The following RTTN variants were observed in gnomAD, a reference collection of about 807,000 sequenced individuals.
RTTN encodes rotatin.
In RTTN, 182 loss-of-function variants were observed where a neutral mutation model predicts 269.2. That is an observed-to-expected ratio of 0.68 (90% CI 0.60 to 0.76). RTTN has a LOEUF of 0.76. Among genes scored for constraint, RTTN ranks in the 30% least tolerant of loss-of-function variants. The probability of loss-of-function intolerance (pLI) is 0.00; values close to 1 mark genes in which losing one functional copy is unlikely to be tolerated. For missense variants in RTTN, 2,545 were observed against 2,608.6 expected, an observed-to-expected ratio of 0.98 and a Z score of 0.53; for synonymous variants, 1,006 against 963.5, an observed-to-expected ratio of 1.04 and a Z score of -0.82.
rs747122127 is a variant in RTTN, at chr18:70,074,063, C to T, written c.4565-69G>A. On this transcript the variant is annotated intron_variant, in intron 33 of 48. Transcript: ENST00000640769. ...ACTGTAACAATTAATTAAAAGGGTACGCATTACAGGAAACCAATTCAAAAC... is the reference window on the plus strand; with the variant it reads ...ACTGTAACAATTAATTAAAAGGGTATGCATTACAGGAAACCAATTCAAAAC... The T allele has an allele frequency of 9.0e-5, 97 of 1,081,478 alleles. 2 individuals carry two copies. Among genetic ancestry groups the T allele is most frequent in the Non-Finnish European group, 9.6e-5 (69 of 720,222 alleles). 67.0% of individuals were successfully genotyped at this position (1,081,478 alleles called of 1,614,324 possible).
At chr18:70,044,521 G>A (rs1208089547) in intron 40 of RTTN, among the ~76,000 whole-genome samples, 2 of 152,010 alleles carry the variant, frequency 1.3e-5, no homozygotes, top group African/African-American at 4.8e-5. Flanking sequence ...ACCATGAATA[G>A]TACCCAACTC....
At chr18:70,146,830 C>T (rs1035667008) in intron 17 of RTTN, among the ~76,000 whole-genome samples, 3 of 152,204 alleles carry the variant, frequency 2.0e-5, no homozygotes, top group African/African-American at 7.2e-5. Flanking sequence ...GAATCAAACA[C>T]AAAGTAGATA....
chr18:70,118,868 T>C (rs1213985066), intron 26 of RTTN, among the ~76,000 whole-genome samples: 6 of 152,076 alleles, frequency 3.9e-5, no homozygotes, highest in Admixed American at 3.3e-4. Flanking sequence ...AGAAAAAGCA[T>C]TTGACAAAAT....
chr18:70,019,602 T>C lies in RTTN; in HGVS notation c.6153+1013A>G, dbSNP rs1360009762. Reference sequence around the variant, plus strand: ...GAGGGTAGAAAAGATCCAAGATTTGTACAGTTCGCTGAATTACGTGGTGTG... The same window carrying C: ...GAGGGTAGAAAAGATCCAAGATTTGCACAGTTCGCTGAATTACGTGGTGTG... On this transcript the variant is annotated intron_variant, in intron 45 of 48. Transcript: ENST00000640769. 5 of 152,338 alleles carry C rather than the reference T, an allele frequency of 3.3e-5. No homozygotes were observed. In the East Asian group the frequency reaches 9.6e-4, roughly 29 times the overall value. The allele number at this position is 152,338 out of a possible 1,614,324, so 9.4% of individuals were successfully genotyped here. A position where few individuals can be genotyped will look rare whatever the true frequency, so the allele number is the denominator to read the frequency against.
At chr18:70,109,942 G>A (rs945252608) in intron 27 of RTTN, among the ~76,000 whole-genome samples, 4 of 152,198 alleles carry the variant, frequency 2.6e-5, no homozygotes, top group Admixed American at 1.3e-4. Context: ...CACTGGGCCA[G>A]GGGCTGTGGC....
chr18:70,121,259 C>T (rs1235630862), intron 26 of RTTN, among the ~76,000 whole-genome samples: 4 of 152,086 alleles, frequency 2.6e-5, no homozygotes, highest in African/African-American at 9.7e-5. Context: ...TCCACCCTGT[C>T]CCCTGCCACC....
intron 2 of RTTN, 37 bp downstream of exon 2, chr18:70,205,091 T>G: frequency 6.3e-7 from 1 of 1,575,298 alleles, no homozygotes; most frequent in Non-Finnish European, 8.7e-7. Flanking sequence ...AACAAGTCAC[T>G]CGTCTGATTA....
intron 12 of RTTN, among the ~76,000 whole-genome samples, chr18:70,168,270 T>G (rs1188085715): frequency 6.6e-6 from 1 of 152,210 alleles, no homozygotes; most frequent in African/African-American, 2.4e-5. Context: ...TGTCTGTCTC[T>G]AAGACCCATT....
chr18:70,051,604 T>C, intron 38 of RTTN, 56 bp from the exon 39 acceptor site: 2 of 1,380,044 alleles, frequency 1.4e-6, no homozygotes, highest in Non-Finnish European at 2.0e-6. Flanking sequence ...AAAAGAACCT[T>C]TCAAGATATA....
Position 70,030,976 on chromosome 18 carries a change from A to G in RTTN, c.5547T>C (p.Tyr1849=), listed in dbSNP as rs763947259. 15 of 1,608,326 alleles carry G rather than the reference A, an allele frequency of 9.3e-6. 1 individual carries two copies. The South Asian group carries it at 1.5e-4, about 17-fold the overall frequency. ...EQLSDVILQC[Y]EGKSSKDILK... is the part of the protein sequence containing the mutation. Reference sequence around the variant, plus strand: ...GGATATCTTTGGAGGATTTCCCTTCATAGCACTGCAGAGAATATAAATCAA... The same window carrying G: ...GGATATCTTTGGAGGATTTCCCTTCGTAGCACTGCAGAGAATATAAATCAA... The change falls in exon 41 of 49, where the codon TAT becomes TAC. Residue 1849 remains tyrosine (Y), a synonymous_variant. Transcript: ENST00000640769.
At chr18:70,110,997 C>G (rs1033078278) in intron 27 of RTTN, among the ~76,000 whole-genome samples, 2 of 152,218 alleles carry the variant, frequency 1.3e-5, no homozygotes, top group African/African-American at 4.8e-5. Flanking sequence ...GCTGCCATGG[C>G]CAGATTGCCA....
intron 28 of RTTN, among the ~76,000 whole-genome samples, chr18:70,094,516 T>C (rs1214837337): frequency 1.3e-5 from 2 of 152,212 alleles, no homozygotes; most frequent in African/African-American, 2.4e-5. Flanking sequence ...AGAACTAATT[T>C]ATTTCTGCCT....
Position 70,145,771 on chromosome 18 carries a change from T to C in RTTN, c.2322A>G (p.Leu774=), listed in dbSNP as rs1178495085. ...GATGGAATGCTAAAAGCTTTAATGC[T>C]AGCGAACGGACCCTGAGAACACAAA... is the stretch of plus-strand genomic sequence containing the variant. ...LLVKKPSVRS[L]ALKLLAFHLT... Residue 774 remains leucine (L), a synonymous_variant, in exon 18 of 49, where the codon CTA becomes CTG. Transcript: ENST00000640769. 1 of 1,608,682 alleles carries C rather than the reference T, an allele frequency of 6.2e-7. No homozygotes were observed. Among genetic ancestry groups the C allele is most frequent in the Non-Finnish European group, 8.5e-7 (1 of 1,178,254 alleles).
At chr18:70,004,332 T>C (rs2056113933) in intron 48 of RTTN, 96 bp from the exon 49 acceptor site, 4 of 689,428 alleles carry the variant, frequency 5.8e-6, no homozygotes, top group Non-Finnish European at 9.7e-6. Flanking sequence ...ATGAACAGGA[T>C]TTATATATAA....
chr18:70,006,299 T>C (rs2056184852), intron 47 of RTTN, 82 bp downstream of exon 47: 1 of 941,438 alleles, frequency 1.1e-6, no homozygotes, highest in East Asian at 2.4e-5. Flanking sequence ...TCTTGACACC[T>C]TTGGATGTAT....
At chr18:70,105,874 G>A (rs1177900943) in intron 28 of RTTN, among the ~76,000 whole-genome samples, 1 of 151,842 alleles carries the variant, frequency 6.6e-6, no homozygotes, top group Non-Finnish European at 1.5e-5. Context: ...TTTTCAAACT[G>A]TATCTTAATT....
At chr18:70,191,786 A>G (rs1446508508) in intron 8 of RTTN, among the ~76,000 whole-genome samples, 1 of 152,176 alleles carries the variant, frequency 6.6e-6, no homozygotes, top group African/African-American at 2.4e-5. Flanking sequence ...TCGTTTCTTC[A>G]ATTTCAAGAT....
At chr18:70,137,997 G>A (rs373652242) in intron 21 of RTTN, among the ~76,000 whole-genome samples, 32 of 152,018 alleles carry the variant, frequency 2.1e-4, no homozygotes, top group African/African-American at 7.2e-4. Flanking sequence ...TTAATTTTTC[G>A]GCCAGGCACA....
At chr18:70,025,501 G>A (rs950841026) in intron 43 of RTTN, among the ~76,000 whole-genome samples, 5 of 152,074 alleles carry the variant, frequency 3.3e-5, no homozygotes, top group Non-Finnish European at 5.9e-5. Context: ...GATTATGCAC[G>A]TGAGCATGCA....
Sources: gnomAD v4.1 joint callset for allele counts (sites outside exome capture counted in the v4.1 genomes callset) on GRCh38, gnomAD v4.1.1 for gene constraint, MANE v1.5 for transcripts, NCBI Gene and HGNC (gene_info 2026-07-23, HGNC 2026-07-21) for gene names.